Variants in LARGE1 observed in about 807,000 individuals in gnomAD.
The protein encoded by LARGE1 is xylosyl- and glucuronyltransferase LARGE1.
In LARGE1, 43 loss-of-function variants were observed where a neutral mutation model predicts 87.6. The ratio of observed to expected loss-of-function variants is 0.49; its 90% CI spans 0.38 to 0.63. The LOEUF (loss-of-function observed/expected upper bound fraction) is 0.63. LARGE1 is among the 30% of genes least tolerant of loss of function. The pLI, the probability that LARGE1 is intolerant of heterozygous loss-of-function variation, is 0.00. For missense variants in LARGE1, 802 were observed against 1,000.2 expected (o/e 0.80, Z 2.67); for synonymous variants, 434 against 394.6 (o/e 1.10, Z -1.18).
rs575455904 is a variant in LARGE1 at position 33,513,276 on chromosome 22, T to C, written c.787+51572A>G. Among the ~76,000 whole-genome samples, 35 of 152,310 alleles carry C rather than the reference T, an allele frequency of 2.3e-4. No homozygotes were observed. The South Asian group carries it at 6.4e-3, about 28-fold the overall frequency. ...TAATGAAAGGAGAAACCACTTTGCA[T>C]GGTGGTCAATCTTCAGTAATTTAAG... On this transcript the variant is annotated intron_variant, in intron 6 of 14. Transcript: ENST00000397394.
At chr22:33,825,998 A>G (rs933332529) in intron 1 of LARGE1, among the ~76,000 whole-genome samples, 2 of 152,188 alleles carry the variant, frequency 1.3e-5, no homozygotes, top group African/African-American at 2.4e-5. Context: ...AGGAACCTCA[A>G]TGCCAAGGAC....
Position 33,523,451 on chromosome 22 carries a change from T to C in LARGE1, c.787+41397A>G, listed in dbSNP as rs578171347. On this transcript the variant is annotated intron_variant, in intron 6 of 14. Coordinates refer to ENST00000397394, the MANE Select transcript of LARGE1 (RefSeq NM_133642.5). ...GATACTCTGTACCCATGGTTACTTGTCTTTTAAAATACTAATTTCTAGGGG... is the reference window on the plus strand; with the variant it reads ...GATACTCTGTACCCATGGTTACTTGCCTTTTAAAATACTAATTTCTAGGGG... Among the ~76,000 whole-genome samples the C allele has an allele frequency of 5.3e-5, 8 of 152,338 alleles. No individual in the cohort carries two copies. The East Asian group carries it at 1.4e-3, about 26-fold the overall frequency.
downstream of LARGE1, among the ~76,000 whole-genome samples, chr22:33,268,953 C>A (rs1162760524): frequency 1.3e-5 from 2 of 152,036 alleles, no homozygotes; most frequent in Non-Finnish European, 2.9e-5. Flanking sequence ...TTAATAAACT[C>A]AAAAAATTAC....
At chr22:33,722,171 T>C (rs1020022977) in intron 2 of LARGE1, among the ~76,000 whole-genome samples, 1 of 151,798 alleles carries the variant, frequency 6.6e-6, no homozygotes, top group African/African-American at 2.4e-5. Flanking sequence ...GAGAATCGCT[T>C]GAACCTGGGA....
Position 33,547,605 on chromosome 22 carries a change from C to A in LARGE1, c.787+17243G>T, listed in dbSNP as rs532680660. On this transcript the variant is annotated intron_variant, in intron 6 of 14. Transcript: ENST00000397394. ...GGTCAAGAGTTCAAGATCAGCCTGA[C>A]CAACATGGTGAAACCCCATCTCTAC... is the stretch of plus-strand genomic sequence containing the variant. Among the ~76,000 whole-genome samples, 135 of 151,792 alleles carry A rather than the reference C, an allele frequency of 8.9e-4. 1 individual carries two copies. The highest frequency in any genetic ancestry group is 1.5e-3 in the Non-Finnish European group (102 of 67,920).
intron 5 of LARGE1, among the ~76,000 whole-genome samples, chr22:33,573,332 G>A (rs896859586): frequency 1.3e-4 from 20 of 152,008 alleles, no homozygotes; most frequent in Non-Finnish European, 2.6e-4. Flanking sequence ...CCAGCTACTC[G>A]GGAGGCTGAG....
chr22:33,312,792 C>G (rs1003671223), intron 11 of LARGE1, among the ~76,000 whole-genome samples: 1 of 152,178 alleles, frequency 6.6e-6, no homozygotes, highest in Non-Finnish European at 1.5e-5. Flanking sequence ...TTGAAAGAGA[C>G]CAATCTAGAC....
intron 11 of LARGE1, among the ~76,000 whole-genome samples, chr22:33,252,555 T>G (rs1363441330): frequency 2.0e-5 from 3 of 152,210 alleles, no homozygotes; most frequent in Non-Finnish European, 4.4e-5. Context: ...ATAGCTTTTC[T>G]ACCATTTATA....
At chr22:33,470,274 A>G (rs947159501) in intron 6 of LARGE1, among the ~76,000 whole-genome samples, 1 of 152,116 alleles carries the variant, frequency 6.6e-6, no homozygotes, top group African/African-American at 2.4e-5. Flanking sequence ...AAACCTACAC[A>G]TGTACCCCTG....
At chr22:33,671,578 C>G (rs181848582) in intron 2 of LARGE1, among the ~76,000 whole-genome samples, 2 of 152,136 alleles carry the variant, frequency 1.3e-5, no homozygotes, top group African/African-American at 4.8e-5. Context: ...GAGCTAGAAC[C>G]GTTCATTCTC....
chr22:33,189,309 C>T (rs1459972477), intron 11 of LARGE1, among the ~76,000 whole-genome samples: 1 of 152,188 alleles, frequency 6.6e-6, no homozygotes, highest in Non-Finnish European at 1.5e-5. Context: ...ATTGTAATGG[C>T]TTGGCCAGTA....
chr22:33,517,563 C>T (rs781735178), intron 6 of LARGE1, among the ~76,000 whole-genome samples: 27 of 152,048 alleles, frequency 1.8e-4, no homozygotes, highest in Non-Finnish European at 2.5e-4. Flanking sequence ...AGCACCCGCC[C>T]GGCTAATTTT....
rs1928795734 is a variant in LARGE1, at chr22:33,274,546, G to A, written c.2152C>T (p.Arg718Cys). ...CAGATGCGGTATTGCTTGTTGGAAC[G>A]GAACTTGGTAATGTCGAAGCTGGGG... is the stretch of plus-strand genomic sequence containing the variant. ...HAPSFDITKF[R>C]SNKQYRICLK... Residue 718 changes from arginine (R) to cysteine (C), a missense_variant, in exon 15 of 15, where the codon CGT becomes TGT. By Grantham distance (180) the Arg-to-Cys change is radical. Around this residue, in one of 2 missense-constraint regions of LARGE1, gnomAD observed 625 missense variants for 841.9 expected, o/e 0.74. Transcript: ENST00000397394. 9 of 1,614,110 alleles carry A rather than the reference G, an allele frequency of 5.6e-6. No individual in the cohort carries two copies. The highest frequency in any genetic ancestry group is 7.6e-6 in the Non-Finnish European group (9 of 1,180,024).
At chr22:33,568,317 C>T (rs2078088112) in intron 5 of LARGE1, among the ~76,000 whole-genome samples, 1 of 152,218 alleles carries the variant, frequency 6.6e-6, no homozygotes, top group Non-Finnish European at 1.5e-5. Flanking sequence ...CTAACGGAAA[C>T]CAGAGCGAAA....
the LARGE1 span, among the ~76,000 whole-genome samples, chr22:33,108,145 A>G: frequency 6.6e-6 from 1 of 152,220 alleles, no homozygotes; most frequent in Non-Finnish European, 1.5e-5. Flanking sequence ...ACTGTAATGC[A>G]GCACATAAGG....
At chr22:33,718,368 A>C (rs2082974758) in intron 2 of LARGE1, among the ~76,000 whole-genome samples, 1 of 152,210 alleles carries the variant, frequency 6.6e-6, no homozygotes, top group African/African-American at 2.4e-5. Context: ...AATTTATGAG[A>C]GGAACTAGAT....
At chr22:33,828,664 C>T (rs992546832) in intron 1 of LARGE1, among the ~76,000 whole-genome samples, 2 of 152,222 alleles carry the variant, frequency 1.3e-5, no homozygotes, top group African/African-American at 4.8e-5. Context: ...CCCAAAGGAA[C>T]ACACTGAAGT....
At chr22:33,835,541 C>T (rs1397458905) in intron 1 of LARGE1, among the ~76,000 whole-genome samples, 7 of 152,210 alleles carry the variant, frequency 4.6e-5, no homozygotes, top group African/African-American at 1.4e-4. Context: ...CTAACAGAGA[C>T]AGGTGAGAAA....
chr22:33,449,259 A>G (rs1445554323), intron 6 of LARGE1, among the ~76,000 whole-genome samples: 1 of 152,220 alleles, frequency 6.6e-6, no homozygotes, highest in Non-Finnish European at 1.5e-5. Flanking sequence ...GAGCTCATTT[A>G]AAGGAGATGC....
Sources: gnomAD v4.1 joint callset for allele counts (sites outside exome capture counted in the v4.1 genomes callset) on GRCh38, gnomAD v4.1.1 for gene constraint, gnomAD v4.1.1 regional missense constraint, MANE v1.5 for transcripts, NCBI Gene and HGNC (gene_info 2026-07-23, HGNC 2026-07-21) for gene names.